Variants in MSI2 observed in about 807,000 individuals in gnomAD.
The protein encoded by MSI2 is musashi RNA binding protein 2.
Under a neutral mutation model 45.6 loss-of-function variants are expected in MSI2, and 17 were observed. The ratio of observed to expected loss-of-function variants is 0.37; its 90% CI spans 0.26 to 0.56. MSI2 has a LOEUF of 0.56. Ranked by LOEUF, MSI2 falls within the 20% of genes least tolerant of loss-of-function variation. The probability of loss-of-function intolerance (pLI) is 0.77; values close to 1 mark genes in which losing one functional copy is unlikely to be tolerated. For missense variants in MSI2, 293 were observed against 444.2 expected (o/e 0.66, Z 3.06); for synonymous variants, 156 against 158.2 (o/e 0.99, Z 0.11).
intron 5 of MSI2, chr17:57,285,851 T>C: frequency 6.7e-7 from 1 of 1,496,600 alleles, no homozygotes; most frequent in South Asian, 1.3e-5. Flanking sequence ...CACTTTCTGT[T>C]GTGTAGTTCT....
intron 7 of MSI2, among the ~76,000 whole-genome samples, chr17:57,585,155 A>G (rs1363367807): frequency 6.6e-6 from 1 of 152,184 alleles, no homozygotes; most frequent in East Asian, 1.9e-4. Flanking sequence ...AAGGTGACCT[A>G]GGAATTCACT....
chr17:57,401,496 G>A (rs370373685), intron 6 of MSI2, 25 bp downstream of exon 6: 12 of 1,587,900 alleles, frequency 7.6e-6, no homozygotes, highest in South Asian at 1.1e-5. Context: ...GGGTTGGATG[G>A]CACATGCCAG....
At chr17:57,360,092 C>T (rs1276353803) in intron 5 of MSI2, among the ~76,000 whole-genome samples, 4 of 152,178 alleles carry the variant, frequency 2.6e-5, no homozygotes, top group Admixed American at 6.5e-5. Context: ...CCAGAGCAGG[C>T]GAGGAGGCAC....
At chr17:57,546,988 A>G (rs1286898254) in intron 7 of MSI2, among the ~76,000 whole-genome samples, 1 of 152,166 alleles carries the variant, frequency 6.6e-6, no homozygotes, top group Non-Finnish European at 1.5e-5. Flanking sequence ...TAAGAAGAAG[A>G]GAAAATAGGG....
Position 57,396,119 on chromosome 17 carries a change from A to G in MSI2, c.313-5260A>G, listed in dbSNP as rs372848246. Among the ~76,000 whole-genome samples, 16 of 152,304 alleles carry G rather than the reference A, an allele frequency of 1.1e-4. No homozygotes were observed. In the East Asian group the frequency reaches 1.3e-3, roughly 13 times the overall value. ...TGGGGAATTTGAACTCTTTTAAGGA[A>G]CATGATAATAGCCAGAGCTGATTTA... On this transcript the variant is annotated intron_variant, in intron 5 of 13. Transcript: ENST00000284073.
In MSI2 at chr17:57,615,160, C is replaced by CT. The variant is rs1907562597; in HGVS notation, c.538-809dup. Among the ~76,000 whole-genome samples, 7 of 146,842 alleles carry CT rather than the reference C, an allele frequency of 4.8e-5. No homozygotes were observed. In the South Asian group the frequency reaches 1.5e-3, roughly 32 times the overall value. On this transcript the variant is annotated intron_variant, in intron 8 of 13. Coordinates refer to ENST00000284073, the MANE Select transcript of MSI2 (RefSeq NM_138962.4). ...TTTTTTTTTTTAAGACAGGGTCTCG[C>CT]TGTGTCACCCAGGCTGGAGTGCAGT...
chr17:57,505,130 T>G (rs1333522597), intron 6 of MSI2, among the ~76,000 whole-genome samples: 1 of 152,038 alleles, frequency 6.6e-6, no homozygotes, highest in Non-Finnish European at 1.5e-5. Context: ...TAAGATGTGC[T>G]GGGGTTGGAG....
At chr17:57,318,063 C>T (rs894213504) in intron 5 of MSI2, among the ~76,000 whole-genome samples, 3 of 152,182 alleles carry the variant, frequency 2.0e-5, no homozygotes, top group Non-Finnish European at 2.9e-5. Flanking sequence ...GCAGGAGAAT[C>T]GCTTAAACCC....
chr17:57,650,644 C>G (rs1911068924), intron 10 of MSI2, among the ~76,000 whole-genome samples: 1 of 152,224 alleles, frequency 6.6e-6, no homozygotes, highest in East Asian at 1.9e-4. Flanking sequence ...TTTCCCCCTT[C>G]AACAGCCCTA....
chr17:57,391,834 T>C (rs189006099), intron 5 of MSI2, among the ~76,000 whole-genome samples: 2 of 152,350 alleles, frequency 1.3e-5, no homozygotes, highest in Admixed American at 1.3e-4. Context: ...TCCTCGCAGA[T>C]TCAAAAACAG....
rs1020738079 is a variant in MSI2 at position 57,333,596 on chromosome 17, C to T, written c.313-67783C>T. ...TGGATTACAGGTGTGTGCCACCACACCTAGCTAATATTTTTTTGTATTTTT... is the reference window on the plus strand; with the variant it reads ...TGGATTACAGGTGTGTGCCACCACATCTAGCTAATATTTTTTTGTATTTTT... On this transcript the variant is annotated intron_variant, in intron 5 of 13. Transcript: ENST00000284073. Among the ~76,000 whole-genome samples the T allele has an allele frequency of 2.6e-5, 4 of 152,030 alleles. No individual in the cohort carries two copies. The South Asian group carries it at 8.3e-4, about 31-fold the overall frequency.
intron 6 of MSI2, among the ~76,000 whole-genome samples, chr17:57,438,019 A>G (rs1486195925): frequency 1.3e-5 from 2 of 152,200 alleles, no homozygotes; most frequent in Admixed American, 1.3e-4. Context: ...TGTGTCCTAC[A>G]AGAGAGAAGG....
At chr17:57,578,616 C>T (rs1160123861) in intron 7 of MSI2, among the ~76,000 whole-genome samples, 1 of 152,110 alleles carries the variant, frequency 6.6e-6, no homozygotes. Flanking sequence ...GTGACAAATA[C>T]TTGCTTCTAG....
intron 6 of MSI2, among the ~76,000 whole-genome samples, chr17:57,435,397 A>G (rs1229665988): frequency 6.6e-6 from 1 of 152,190 alleles, no homozygotes; most frequent in East Asian, 1.9e-4. Context: ...CTTGTGAACC[A>G]GGGGAAGAAG....
intron 3 of MSI2, among the ~76,000 whole-genome samples, chr17:57,258,054 C>T (rs1185467644): frequency 6.6e-6 from 1 of 152,132 alleles, no homozygotes; most frequent in Non-Finnish European, 1.5e-5. Flanking sequence ...TACCTCCACC[C>T]TCCCTGCCCC....
At chr17:57,379,177 G>A (rs2083554379) in intron 5 of MSI2, among the ~76,000 whole-genome samples, 1 of 150,812 alleles carries the variant, frequency 6.6e-6, no homozygotes, top group South Asian at 2.1e-4. Context: ...GTGATCTCGT[G>A]TGGCCCTGCT....
Position 57,681,810 on chromosome 17 carries a change from A to C in MSI2, c.*2293A>C, listed in dbSNP as rs1467575259. The C allele has an allele frequency of 1.6e-5, 3 of 187,714 alleles. No homozygotes were observed. The East Asian group carries it at 2.5e-4, about 16-fold the overall frequency. 11.6% of individuals were successfully genotyped at this position (187,714 alleles called of 1,614,324 possible). ...TCAAGTCATAAAACAACAAAACATA[A>C]GTTTTATTTAAAAAAAAAAAAAGAA... is the stretch of plus-strand genomic sequence containing the variant. On this transcript the variant is annotated 3_prime_UTR_variant, in exon 14 of 14. Transcript: ENST00000284073.
intron 5 of MSI2, among the ~76,000 whole-genome samples, chr17:57,263,107 C>T (rs1907468772): frequency 6.6e-6 from 1 of 152,134 alleles, no homozygotes; most frequent in African/African-American, 2.4e-5. Flanking sequence ...CAGTTTATTT[C>T]TTTATGCACA....
the MSI2 span, among the ~76,000 whole-genome samples, chr17:57,691,200 CATCTATCTATCT>C: frequency 0.12 from 16,939 of 140,170 alleles, 1,177 homozygotes; most frequent in Admixed American, 0.23. Context: ...CTCTCTCTCT[CATCTATCTATCT>C]ATCTATCTAT....
Sources: gnomAD v4.1 joint callset for allele counts (sites outside exome capture counted in the v4.1 genomes callset) on GRCh38, gnomAD v4.1.1 for gene constraint, MANE v1.5 for transcripts, NCBI Gene and HGNC (gene_info 2026-07-23, HGNC 2026-07-21) for gene names.